Variants in B3GALT1 observed in about 807,000 individuals in gnomAD.
B3GALT1 encodes the protein UDP-Gal:betaGlcNAc beta 1,3-galactosyltransferase, polypeptide 1.
Under a neutral mutation model 23.2 loss-of-function variants are expected in B3GALT1, and 10 were observed. The ratio of observed to expected loss-of-function variants is 0.43; its 90% CI spans 0.27 to 0.73. The LOEUF is 0.73. Among genes scored for constraint, B3GALT1 ranks in the 30% least tolerant of loss-of-function variants. The pLI, the probability that B3GALT1 is intolerant of heterozygous loss-of-function variation, is 0.21. For synonymous variants in B3GALT1, 156 were observed against 141.5 expected (o/e 1.10, Z -0.73); for missense variants, 299 against 405.4 (o/e 0.74, Z 2.25).
chr2:167,475,939 T>G (rs140395536), intron 1 of B3GALT1, among the ~76,000 whole-genome samples: 1 of 152,268 alleles, frequency 6.6e-6, no homozygotes, highest in East Asian at 1.9e-4. Flanking sequence ...ATCTCTGCCT[T>G]TATTGTCACA....
At chr2:167,533,843 G>A (rs1190135707) in intron 2 of B3GALT1, among the ~76,000 whole-genome samples, 1 of 152,112 alleles carries the variant, frequency 6.6e-6, no homozygotes, top group Admixed American at 6.5e-5. Context: ...AGTTATTTTA[G>A]TGATAGCACT....
chr2:167,658,438 ATTTATAGAACAAC>A (rs553773587), intron 3 of B3GALT1, among the ~76,000 whole-genome samples: 176 of 152,116 alleles, frequency 1.2e-3, no homozygotes, highest in Middle Eastern at 6.8e-3. Context: ...GAGTTGAAGA[ATTTATAGAACAAC>A]TTTATAGAAC....
intron 1 of B3GALT1, among the ~76,000 whole-genome samples, chr2:167,481,977 T>C (rs544357479): frequency 2.0e-4 from 31 of 152,336 alleles, no homozygotes; most frequent in African/African-American, 7.5e-4. Context: ...AGAAAAACAA[T>C]GTATTTCTTT....
chr2:167,755,800 T>G (rs1687806238), intron 3 of B3GALT1, among the ~76,000 whole-genome samples: 1 of 151,676 alleles, frequency 6.6e-6, no homozygotes, highest in Non-Finnish European at 1.5e-5. Context: ...AGACCTCATC[T>G]CTACAAAAAT....
At chr2:167,447,240 C>T (rs1203572078) in intron 1 of B3GALT1, among the ~76,000 whole-genome samples, 1 of 152,148 alleles carries the variant, frequency 6.6e-6, no homozygotes, top group African/African-American at 2.4e-5. Flanking sequence ...CTCAGAGGGG[C>T]ACCTGGCCGT....
At chr2:167,679,437 A>G (rs1686490261) in intron 3 of B3GALT1, among the ~76,000 whole-genome samples, 1 of 151,514 alleles carries the variant, frequency 6.6e-6, no homozygotes, top group South Asian at 2.1e-4. Flanking sequence ...TATTATTAGT[A>G]GAGACAGGGT....
intron 1 of B3GALT1, among the ~76,000 whole-genome samples, chr2:167,467,086 A>T (rs1699359357): frequency 6.6e-6 from 1 of 151,682 alleles, no homozygotes; most frequent in Non-Finnish European, 1.5e-5. Flanking sequence ...AGGCCTCCGG[A>T]TGGATGCAAA....
At chr2:167,572,093 T>A (rs1181678562) in intron 2 of B3GALT1, among the ~76,000 whole-genome samples, 1 of 151,512 alleles carries the variant, frequency 6.6e-6, no homozygotes, top group Admixed American at 6.6e-5. Context: ...TTATTAGAAG[T>A]CAATAATAAG....
intron 1 of B3GALT1, among the ~76,000 whole-genome samples, chr2:167,451,148 C>T (rs187275084): frequency 1.6e-4 from 25 of 151,940 alleles, no homozygotes; most frequent in African/African-American, 5.6e-4. Flanking sequence ...TTCTCTGATC[C>T]CTCCTTGATT....
intron 3 of B3GALT1, among the ~76,000 whole-genome samples, chr2:167,806,195 C>G (rs1311544420): frequency 6.6e-6 from 1 of 152,178 alleles, no homozygotes; most frequent in Non-Finnish European, 1.5e-5. Context: ...TGAGACTTTG[C>G]TGAAGTTGCC....
chr2:167,352,695 T>C (rs2105256841), intron 1 of B3GALT1, among the ~76,000 whole-genome samples: 1 of 150,236 alleles, frequency 6.7e-6, no homozygotes, highest in African/African-American at 2.4e-5. Flanking sequence ...CACTCCAGCC[T>C]GGGCGACAGA....
chr2:167,404,712 C>T (rs1559086517), intron 1 of B3GALT1, among the ~76,000 whole-genome samples: 1 of 152,162 alleles, frequency 6.6e-6, no homozygotes, highest in Non-Finnish European at 1.5e-5. Context: ...TTAACAAGAG[C>T]GTTTTACCTT....
intron 3 of B3GALT1, among the ~76,000 whole-genome samples, chr2:167,775,213 T>G (rs1688140170): frequency 6.6e-6 from 1 of 152,120 alleles, no homozygotes; most frequent in African/African-American, 2.4e-5. Flanking sequence ...AACATGAAAA[T>G]AAATAAATTA....
intron 1 of B3GALT1, among the ~76,000 whole-genome samples, chr2:167,463,044 A>G (rs1012002446): frequency 6.6e-6 from 1 of 152,098 alleles, no homozygotes; most frequent in Admixed American, 6.6e-5. Context: ...CTTCTGGAAA[A>G]CACCATAAGC....
At chr2:167,850,263 T>C (rs1312226204) in intron 4 of B3GALT1, among the ~76,000 whole-genome samples, 1 of 152,144 alleles carries the variant, frequency 6.6e-6, no homozygotes, top group Non-Finnish European at 1.5e-5. Context: ...CAAAAGAGGA[T>C]ATCCAAATGG....
chr2:167,810,726 C>T (rs1447018389), intron 3 of B3GALT1, among the ~76,000 whole-genome samples: 1 of 144,934 alleles, frequency 6.9e-6, no homozygotes, highest in Non-Finnish European at 1.5e-5. Flanking sequence ...AAACAACACA[C>T]AGACCCAAAG....
intron 3 of B3GALT1, among the ~76,000 whole-genome samples, chr2:167,657,502 G>A (rs1440609893): frequency 6.6e-6 from 1 of 152,054 alleles, no homozygotes; most frequent in African/African-American, 2.4e-5. Context: ...TGCTGATATA[G>A]GTAGCCATCT....
intron 3 of B3GALT1, among the ~76,000 whole-genome samples, chr2:167,729,676 A>G (rs1390130197): frequency 6.6e-6 from 1 of 152,076 alleles, no homozygotes; most frequent in African/African-American, 2.4e-5. Context: ...AATTTTAATG[A>G]TACATTTCTA....
chr2:167,651,271 T>TGTGTGC (rs1182837115), intron 3 of B3GALT1, among the ~76,000 whole-genome samples: 2 of 18,384 alleles, frequency 1.1e-4, no homozygotes, highest in Admixed American at 1.9e-3. Flanking sequence ...TGTGTGTGTG[T>TGTGTGC]GCGCGCACGT....
Sources: allele counts gnomAD v4.1 joint callset (sites outside exome capture counted in the v4.1 genomes callset), GRCh38; gene constraint gnomAD v4.1.1; transcripts MANE v1.5; gene names NCBI Gene and HGNC (gene_info 2026-07-23, HGNC 2026-07-21).